TMEM143: variants seen among roughly 807,000 people sequenced by gnomAD.
The protein encoded by TMEM143 is transmembrane protein 143.
TMEM143 carries 45 observed loss-of-function variants against 40.3 expected under a neutral mutation model. The ratio of observed to expected loss-of-function variants is 1.12; its 90% CI spans 0.88 to 1.43. The LOEUF (loss-of-function observed/expected upper bound fraction) is 1.43. Ranked by LOEUF, TMEM143 falls within the 40% of genes most tolerant of loss-of-function variation. The pLI is 0.00. For missense variants in TMEM143, 620 were observed against 613.4 expected, an observed-to-expected ratio of 1.01 and a Z score of -0.11; for synonymous variants, 299 against 282.7, an observed-to-expected ratio of 1.06 and a Z score of -0.58.
Position 48,334,190 on chromosome 19 carries a change from C to T in TMEM143, c.983G>A (p.Gly328Glu). 6.2e-7 allele frequency: 1 copy of T among 1,601,524 alleles called. No individual in the cohort carries two copies. The highest frequency in any genetic ancestry group is 8.5e-7 in the Non-Finnish European group (1 of 1,174,908). Residue 328 changes from glycine (G) to glutamate (E), a missense_variant, in exon 7 of 8, where the codon GGG becomes GAG. Physicochemically the swap from Gly to Glu is moderately conservative, Grantham distance 98 (BLOSUM62 -2). Transcript: ENST00000293261. ...CAACGCCTGCGCGCTGCGCCGCTGC[C>T]CGAACATCTGCAGGCGGGACAGCGC... ...FMGLRASKMF[G>E]QRRSAQALEL...
intron 3 of TMEM143, among the ~76,000 whole-genome samples, chr19:48,354,834 C>A (rs1969850630): frequency 6.6e-6 from 1 of 152,136 alleles, no homozygotes; most frequent in African/African-American, 2.4e-5. Flanking sequence ...TTTCCCTGCC[C>A]AGGCCACATC....
intron 5 of TMEM143, chr19:48,343,068 C>T (rs1969541523): frequency 1.5e-6 from 1 of 671,054 alleles, no homozygotes; most frequent in South Asian, 2.0e-5. Flanking sequence ...ATGTGGACCT[C>T]CCTCTCCGAG....
chr19:48,332,494 G>A lies in TMEM143; in HGVS notation c.*725C>T, dbSNP rs747382954. The A allele has an allele frequency of 4.6e-5, 7 of 152,174 alleles. No individual in the cohort carries two copies. The highest frequency in any genetic ancestry group is 2.1e-4 in the South Asian group (1 of 4,824). The allele number at this position is 152,174 out of a possible 1,614,324, so 9.4% of individuals were successfully genotyped here. A position where few individuals can be genotyped will look rare whatever the true frequency, so the allele number is the denominator to read the frequency against. On this transcript the variant is annotated 3_prime_UTR_variant, in exon 8 of 8. Coordinates refer to ENST00000293261, the MANE Select transcript of TMEM143 (RefSeq NM_018273.4). Reference sequence around the variant, plus strand: ...TGTAGAAAGGGTGAAAGACCTGGGCGAGGAAGGCACCTGAGGTTGCCGGGA... The same window carrying A: ...TGTAGAAAGGGTGAAAGACCTGGGCAAGGAAGGCACCTGAGGTTGCCGGGA...
chr19:48,334,944 T>A (rs1969334728), intron 6 of TMEM143, among the ~76,000 whole-genome samples: 1 of 152,194 alleles, frequency 6.6e-6, no homozygotes, highest in Admixed American at 6.5e-5. Flanking sequence ...ACCAGCCCCA[T>A]CTGGCCTACA....
intron 4 of TMEM143, among the ~76,000 whole-genome samples, chr19:48,344,625 G>T (rs1015584667): frequency 3.3e-5 from 5 of 152,078 alleles, no homozygotes; most frequent in African/African-American, 1.2e-4. Context: ...TTTGGCAGAT[G>T]GTGCTAAGTC....
intron 5 of TMEM143, 114 bp from the exon 6 acceptor site, chr19:48,342,923 G>A (rs12975283): frequency 0.016 from 19,927 of 1,283,310 alleles, 219 homozygotes; most frequent in Middle Eastern, 0.075. Context: ...TCTTAAAAGC[G>A]ACTCAGTAAT....
chr19:48,361,707 T>C (rs1316621975), intron 2 of TMEM143, among the ~76,000 whole-genome samples: 1 of 151,812 alleles, frequency 6.6e-6, no homozygotes, highest in Non-Finnish European at 1.5e-5. Context: ...TTTTTTGTAT[T>C]TTTAGTAGAG....
At chr19:48,348,644 G>A (rs1969698922) in intron 3 of TMEM143, among the ~76,000 whole-genome samples, 1 of 152,346 alleles carries the variant, frequency 6.6e-6, no homozygotes, top group Non-Finnish European at 1.5e-5. Flanking sequence ...CATTCTCACA[G>A]TGTGAAACTC....
chr19:48,350,203 G>A (rs912145318), intron 3 of TMEM143, among the ~76,000 whole-genome samples: 12 of 151,232 alleles, frequency 7.9e-5, no homozygotes, highest in African/African-American at 2.9e-4. Flanking sequence ...AGTAGAGACG[G>A]GGTTTCACTA....
intron 6 of TMEM143, among the ~76,000 whole-genome samples, chr19:48,336,440 G>A (rs1207986458): frequency 2.0e-5 from 3 of 151,678 alleles, no homozygotes; most frequent in Non-Finnish European, 4.4e-5. Flanking sequence ...CAGGAGAGTC[G>A]CTTGAGCCCG....
In TMEM143 at chr19:48,333,305, G is replaced by C. The variant is rs758700301; in HGVS notation, c.1294C>G (p.Pro432Ala). The C allele has an allele frequency of 5.7e-6, 9 of 1,590,742 alleles. No homozygotes were observed. In the East Asian group the frequency reaches 2.0e-4, roughly 36 times the overall value. Residue 432 changes from proline to alanine, a missense_variant, in exon 8 of 8, where the codon CCA becomes GCA. Transcript: ENST00000293261. This position sits in a 1 kb window ranked among gnomAD's most constrained non-coding sequence, Gnocchi z 4.1. ...QALTPSMGLY[P>A]PPGFPKLDPV... is the part of the protein sequence containing the mutation. ...TCTAGTTTGGGGAAACCCGGGGGTG[G>C]GTACAATCCCATGCTGGGGGTCAGG...
chr19:48,363,237 G>A, intron 2 of TMEM143, 54 bp downstream of exon 2: 2 of 1,553,612 alleles, frequency 1.3e-6, no homozygotes, highest in African/African-American at 1.4e-5. Flanking sequence ...CTGCCGCCGC[G>A]AAGCCTGCTG....
At chr19:48,350,699 A>T (rs1055477244) in intron 3 of TMEM143, among the ~76,000 whole-genome samples, 8 of 151,912 alleles carry the variant, frequency 5.3e-5, no homozygotes, top group Admixed American at 5.2e-4. Context: ...AGGCAGGCGG[A>T]TCATTTGAGG....
intron 2 of TMEM143, 88 bp from the exon 3 acceptor site, chr19:48,360,264 A>C: frequency 7.0e-6 from 9 of 1,285,554 alleles, no homozygotes; most frequent in Admixed American, 2.0e-5. Context: ...TAACTACACA[A>C]TCAGAGCTCT....
chr19:48,336,678 G>A (rs1969376334), intron 6 of TMEM143, among the ~76,000 whole-genome samples: 1 of 151,794 alleles, frequency 6.6e-6, no homozygotes, highest in Admixed American at 6.6e-5. Flanking sequence ...CTTTAGCCTG[G>A]GCGACAGAGT....
chr19:48,359,484 A>G lies in TMEM143; in HGVS notation c.369+588T>C, dbSNP rs565267968. On this transcript the variant is annotated intron_variant, in intron 3 of 7. Coordinates refer to ENST00000293261, the MANE Select transcript of TMEM143 (RefSeq NM_018273.4). ...GCCCTTCCCCACCCACCCCGTCTGA[A>G]ACAGGCCCCATCTCACCCCTCTTTG... Among the ~76,000 whole-genome samples, 5 of 148,688 alleles carry G rather than the reference A, an allele frequency of 3.4e-5. No homozygotes were observed. In the South Asian group the frequency reaches 1.1e-3, roughly 32 times the overall value.
rs996167430 is a variant in TMEM143 at position 48,343,401 on chromosome 19, G to A, written c.615C>T (p.Gly205=). The change falls in exon 5 of 8, where the codon GGC becomes GGT. Residue 205 remains glycine (G), a synonymous_variant. Coordinates refer to ENST00000293261, the MANE Select transcript of TMEM143 (RefSeq NM_018273.4). Reference sequence around the variant, plus strand: ...TCAGGGGCATCTGCCCGACTCGCTGGCCCAGGGCCCAGAAGTGAATGTAGA... The same window carrying A: ...TCAGGGGCATCTGCCCGACTCGCTGACCCAGGGCCCAGAAGTGAATGTAGA... ...QYVYIHFWAL[G]QRVGQMPLKS... 42 of 1,595,810 alleles carry A rather than the reference G, an allele frequency of 2.6e-5. No individual in the cohort carries two copies. The Admixed American group carries it at 3.9e-4, about 15-fold the overall frequency.
chr19:48,347,554 CT>C (rs1309165553), intron 3 of TMEM143, among the ~76,000 whole-genome samples: 17,914 of 128,412 alleles, frequency 0.14, 867 homozygotes, highest in East Asian at 0.19. Context: ...CTCTACAAAA[CT>C]TTTTTTTTTT....
At chr19:48,342,921 G>A in intron 5 of TMEM143, 112 bp from the exon 6 acceptor site, 1 of 1,299,696 alleles carries the variant, frequency 7.7e-7, no homozygotes, top group South Asian at 1.5e-5. Flanking sequence ...CATCTTAAAA[G>A]CGACTCAGTA....
Sources: gnomAD v4.1 joint callset for allele counts (sites outside exome capture counted in the v4.1 genomes callset) on GRCh38, gnomAD v4.1.1 for gene constraint, Gnocchi (gnomAD v3.1) non-coding constraint, MANE v1.5 for transcripts, NCBI Gene and HGNC (gene_info 2026-07-23, HGNC 2026-07-21) for gene names.